Variants in PID1 observed in about 807,000 individuals in gnomAD.
PID1 encodes the protein phosphotyrosine interaction domain containing 1.
A neutral mutation model predicts 19.1 loss-of-function variants in PID1; 10 were observed. The observed-to-expected ratio is 0.52, with a 90% CI of 0.32 to 0.89. The LOEUF is 0.89. Ranked by LOEUF, PID1 falls within the 40% of genes least tolerant of loss-of-function variation. PID1 has a pLI of 0.03. For missense variants in PID1, 248 were observed against 285.3 expected (o/e 0.87, Z 0.94); for synonymous variants, 130 against 116.0 (o/e 1.12, Z -0.78).
intron 2 of PID1, among the ~76,000 whole-genome samples, chr2:229,063,836 G>A (rs1365132472): frequency 6.6e-6 from 1 of 151,898 alleles, no homozygotes; most frequent in East Asian, 1.9e-4. Flanking sequence ...ATTTACAATT[G>A]TTATATATTC....
Position 229,151,815 on chromosome 2 carries a change from C to T in PID1, c.177+4003G>A, listed in dbSNP as rs541824881. ...TAGATCTCCTGACCTCGTGATCCGC[C>T]CGCCTCGGCCTCCCAAAGTGCTGGG... On this transcript the variant is annotated intron_variant, in intron 2 of 2. Coordinates refer to ENST00000392055, the MANE Select transcript of PID1 (RefSeq NM_001100818.2). 1.8e-4 allele frequency among the ~76,000 whole-genome samples: 27 copies of T among 152,276 alleles called. No homozygotes were observed. The South Asian group carries it at 5.2e-3, about 29-fold the overall frequency.
At chr2:229,195,588 TTTG>T (rs1394323092) in intron 1 of PID1, among the ~76,000 whole-genome samples, 1 of 151,966 alleles carries the variant, frequency 6.6e-6, no homozygotes, top group Non-Finnish European at 1.5e-5. Flanking sequence ...TCTTCCCTAC[TTTG>T]TTAATTTTTA....
At chr2:229,186,819 T>C (rs1177375620) in intron 1 of PID1, among the ~76,000 whole-genome samples, 1 of 152,210 alleles carries the variant, frequency 6.6e-6, no homozygotes, top group Non-Finnish European at 1.5e-5. Flanking sequence ...AAATGGGACT[T>C]CCTTTTCTAT....
At chr2:229,074,834 G>A (rs1694525872) in intron 2 of PID1, among the ~76,000 whole-genome samples, 1 of 152,136 alleles carries the variant, frequency 6.6e-6, no homozygotes, top group Non-Finnish European at 1.5e-5. Context: ...CAGATTTCAA[G>A]GTGATTTGAG....
chr2:229,157,652 C>T (rs1185559882), intron 1 of PID1, among the ~76,000 whole-genome samples: 1 of 152,066 alleles, frequency 6.6e-6, no homozygotes, highest in Non-Finnish European at 1.5e-5. Flanking sequence ...AAAGTGAGTA[C>T]AAGGTAAGTA....
intron 1 of PID1, among the ~76,000 whole-genome samples, chr2:229,190,428 G>A (rs923795972): frequency 6.6e-6 from 1 of 152,222 alleles, no homozygotes; most frequent in African/African-American, 2.4e-5. Context: ...GCCAGACATG[G>A]AACAGGCATC....
chr2:229,214,142 C>G (rs1421937848), intron 1 of PID1, among the ~76,000 whole-genome samples: 1 of 152,180 alleles, frequency 6.6e-6, no homozygotes, highest in East Asian at 1.9e-4. Context: ...GGTAGCATAA[C>G]TTTTCATTCA....
intron 1 of PID1, among the ~76,000 whole-genome samples, chr2:229,195,986 C>T (rs1691370005): frequency 6.6e-6 from 1 of 151,888 alleles, no homozygotes; most frequent in Non-Finnish European, 1.5e-5. Flanking sequence ...ACTAAGAATC[C>T]AAGAATTGTA....
At chr2:229,190,586 C>A (rs1691238935) in intron 1 of PID1, among the ~76,000 whole-genome samples, 2 of 152,198 alleles carry the variant, frequency 1.3e-5, no homozygotes, top group Non-Finnish European at 2.9e-5. Context: ...GGGCAGGGGG[C>A]CTGCCTGTTG....
rs1322152428 is a variant in PID1 at position 229,182,180 on chromosome 2, G to A, written c.31-26216C>T. 2.6e-5 allele frequency among the ~76,000 whole-genome samples: 4 copies of A among 152,138 alleles called. No homozygotes were observed. In the East Asian group the frequency reaches 7.7e-4, roughly 29 times the overall value. On this transcript the variant is annotated intron_variant, in intron 1 of 2. Transcript: ENST00000392055. ...AACTCATAGAAGTACAACAGCAAGA[G>A]TGAACCCTAATGTAAACTATGGACT...
In PID1 at chr2:229,182,368, G is replaced by T. The variant is rs1427031786; in HGVS notation, c.31-26404C>A. On this transcript the variant is annotated intron_variant, in intron 1 of 2. Transcript: ENST00000392055. ...ATGCCTTCCACCTCAATTTTGCTGA[G>T]AACCTAAAACTGCTCTTACAAAATA... Among the ~76,000 whole-genome samples the T allele has an allele frequency of 3.3e-5, 5 of 152,108 alleles. No homozygotes were observed. In the South Asian group the frequency reaches 8.3e-4, roughly 25 times the overall value.
At chr2:229,054,998 G>A (rs1694070578) in intron 2 of PID1, among the ~76,000 whole-genome samples, 1 of 152,130 alleles carries the variant, frequency 6.6e-6, no homozygotes, top group South Asian at 2.1e-4. Flanking sequence ...TACCTCAACA[G>A]AGGTCAGCAT....
intron 2 of PID1, among the ~76,000 whole-genome samples, chr2:229,094,232 C>G (rs1363308932): frequency 6.6e-6 from 1 of 151,916 alleles, no homozygotes; most frequent in East Asian, 1.9e-4. Context: ...ATACACTTAA[C>G]CAAAGAGATA....
intron 2 of PID1, among the ~76,000 whole-genome samples, chr2:229,129,750 G>A (rs1689688326): frequency 6.6e-6 from 1 of 152,146 alleles, no homozygotes; most frequent in Admixed American, 6.5e-5. Context: ...TGAGCAGAGA[G>A]AACCAAACTA....
At chr2:229,049,403 C>T (rs1693945530) in intron 2 of PID1, among the ~76,000 whole-genome samples, 1 of 151,924 alleles carries the variant, frequency 6.6e-6, no homozygotes, top group South Asian at 2.1e-4. Context: ...TGTTTTATAC[C>T]ACACTCCATT....
At chr2:229,270,412 A>C (rs1690703463) in intron 1 of PID1, among the ~76,000 whole-genome samples, 1 of 152,146 alleles carries the variant, frequency 6.6e-6, no homozygotes. Flanking sequence ...GCAGTAAAAA[A>C]CTTTTGATGG....
At chr2:229,230,962 C>A (rs1321654379) in intron 1 of PID1, among the ~76,000 whole-genome samples, 1 of 152,002 alleles carries the variant, frequency 6.6e-6, no homozygotes. Flanking sequence ...TTCCACAATA[C>A]CTCCTAAGAA....
intron 2 of PID1, among the ~76,000 whole-genome samples, chr2:229,051,318 TATC>T (rs1243001941): frequency 6.6e-6 from 1 of 152,152 alleles, no homozygotes; most frequent in Non-Finnish European, 1.5e-5. Flanking sequence ...TGATTGTTAT[TATC>T]ATGTGAATTA....
chr2:229,154,426 A>C (rs1690323225), intron 2 of PID1, among the ~76,000 whole-genome samples: 1 of 152,060 alleles, frequency 6.6e-6, no homozygotes, highest in Non-Finnish European at 1.5e-5. Context: ...CACAAATTGG[A>C]TTTCTCACTA....
Sources: gnomAD v4.1 joint callset for allele counts (sites outside exome capture counted in the v4.1 genomes callset) on GRCh38, gnomAD v4.1.1 for gene constraint, MANE v1.5 for transcripts, NCBI Gene and HGNC (gene_info 2026-07-23, HGNC 2026-07-21) for gene names.